The following PPARGC1B variants were observed in gnomAD, a reference collection of about 807,000 sequenced individuals.
The protein encoded by PPARGC1B is peroxisome proliferator-activated receptor gamma coactivator 1-beta.
PPARGC1B carries 34 observed loss-of-function variants against 101.6 expected under a neutral mutation model. The ratio of observed to expected loss-of-function variants is 0.33; its 90% CI spans 0.25 to 0.45. The LOEUF (loss-of-function observed/expected upper bound fraction) is 0.45. Ranked by LOEUF, PPARGC1B falls within the 20% of genes least tolerant of loss-of-function variation. The pLI, the probability that PPARGC1B is intolerant of heterozygous loss-of-function variation, is 1.00. For missense variants in PPARGC1B, 1,234 were observed against 1,317.6 expected (o/e 0.94, Z 0.98); for synonymous variants, 548 against 539.3 (o/e 1.02, Z -0.22).
chr5:149,748,286 G>GAGATATAGATATAGATAT (rs56098088), intron 1 of PPARGC1B, among the ~76,000 whole-genome samples: 195 of 148,428 alleles, frequency 1.3e-3, no homozygotes, highest in African/African-American at 4.7e-3. Flanking sequence ...ATGGGGTGAA[G>GAGATATAGATATAGATAT]AGATATAGAT....
intron 10 of PPARGC1B, 151 bp downstream of exon 10, chr5:149,842,528 C>T: frequency 1.9e-6 from 2 of 1,075,422 alleles, no homozygotes; most frequent in Non-Finnish European, 2.7e-6. Flanking sequence ...ATGAGAAGGA[C>T]CAGAAATGGT....
intron 1 of PPARGC1B, among the ~76,000 whole-genome samples, chr5:149,811,900 C>T (rs1757879886): frequency 6.6e-6 from 1 of 152,218 alleles, no homozygotes; most frequent in Non-Finnish European, 1.5e-5. Context: ...GGGCTTCTTA[C>T]TGGTTGGCTG....
At chr5:149,783,571 G>A (rs943593446) in intron 1 of PPARGC1B, among the ~76,000 whole-genome samples, 7 of 152,180 alleles carry the variant, frequency 4.6e-5, no homozygotes, top group African/African-American at 1.7e-4. Context: ...CAAGGAGAAG[G>A]AATGGAGAGA....
At chr5:149,750,852 C>T (rs1463029121) in intron 1 of PPARGC1B, among the ~76,000 whole-genome samples, 1 of 152,182 alleles carries the variant, frequency 6.6e-6, no homozygotes, top group Non-Finnish European at 1.5e-5. Flanking sequence ...GATGGGTGCC[C>T]GTGCAGGCAG....
At chr5:149,788,963 T>C (rs1753599409) in intron 1 of PPARGC1B, among the ~76,000 whole-genome samples, 1 of 152,092 alleles carries the variant, frequency 6.6e-6, no homozygotes, top group Admixed American at 6.5e-5. Flanking sequence ...CATTAGGAGA[T>C]ACACCTAATG....
chr5:149,764,498 A>G (rs1288523218), intron 1 of PPARGC1B, among the ~76,000 whole-genome samples: 1 of 152,210 alleles, frequency 6.6e-6, no homozygotes, highest in Non-Finnish European at 1.5e-5. Flanking sequence ...TGCCAGACCC[A>G]AGTAGAACAG....
intron 1 of PPARGC1B, among the ~76,000 whole-genome samples, chr5:149,798,916 T>C (rs575230092): frequency 6.6e-6 from 1 of 152,156 alleles, no homozygotes; most frequent in Admixed American, 6.5e-5. Context: ...GGGCCAAATA[T>C]TACCAAGCTC....
chr5:149,732,926 A>G, intron 1 of PPARGC1B: 1 of 384,762 alleles, frequency 2.6e-6, no homozygotes, highest in Non-Finnish European at 5.5e-6. Context: ...TGGCTGGGTG[A>G]CCCCGGAGCA....
In PPARGC1B at chr5:149,833,497, C is replaced by G; in HGVS notation, c.1424C>G (p.Pro475Arg). 6.4e-7 allele frequency: 1 copy of G among 1,564,840 alleles called. No individual in the cohort carries two copies. Among genetic ancestry groups the G allele is most frequent in the Middle Eastern group, 1.7e-4 (1 of 5,936 alleles). The change falls in exon 5 of 12, where the codon CCC becomes CGC. Residue 475 changes from proline (P) to arginine (R), a missense_variant. Transcript: ENST00000309241. This position sits in a 1 kb window ranked among gnomAD's most constrained non-coding sequence, Gnocchi z 4.1. ...LGRKLESSVC[P>R]VRRSRRLNPE... ...AGGAAGCTGGAGAGCTCTGTGTGCC[C>G]CGTGCGGCGTTCTCGGAGACTGAAC...
intron 1 of PPARGC1B, among the ~76,000 whole-genome samples, chr5:149,813,349 G>T (rs1757932593): frequency 1.3e-5 from 2 of 152,200 alleles, no homozygotes; most frequent in African/African-American, 4.8e-5. Flanking sequence ...GCAGTCACAG[G>T]AGGTCAGTGC....
chr5:149,824,450 A>C (rs1758425709), intron 2 of PPARGC1B, among the ~76,000 whole-genome samples: 1 of 152,106 alleles, frequency 6.6e-6, no homozygotes. Context: ...GCACTCTACA[A>C]AGCACTCTCA....
Position 149,853,961 on chromosome 5 carries a change from GCTT to G in PPARGC1B, c.*6408_*6410del, listed in dbSNP as rs1255335110. ...TTGTTAGCATTGGCTTGGAGCATCT[GCTT>G]CTTCCAGAGGCAGCTGCTAATGTTG... On this transcript the variant is annotated 3_prime_UTR_variant, in exon 12 of 12. Coordinates refer to ENST00000309241, the MANE Select transcript of PPARGC1B (RefSeq NM_133263.4). This position sits in a 1 kb window ranked among gnomAD's most constrained non-coding sequence, Gnocchi z 4.2. 1 of 152,116 alleles carries G rather than the reference GCTT, an allele frequency of 6.6e-6. No homozygotes were observed. The highest frequency in any genetic ancestry group is 1.9e-4 in the East Asian group (1 of 5,194). 9.4% of individuals were successfully genotyped at this position (152,116 alleles called of 1,614,324 possible).
intron 1 of PPARGC1B, among the ~76,000 whole-genome samples, chr5:149,731,604 AG>A (rs1754471349): frequency 2.6e-5 from 1 of 38,416 alleles, no homozygotes; most frequent in Non-Finnish European, 5.2e-5. Flanking sequence ...AGTGGAAGGG[AG>A]GGGGAAGGCG....
chr5:149,810,413 G>A (rs989713159), intron 1 of PPARGC1B, among the ~76,000 whole-genome samples: 2 of 152,220 alleles, frequency 1.3e-5, no homozygotes, highest in African/African-American at 4.8e-5. Flanking sequence ...GGGGTGGGGG[G>A]CCTAGCTGAC....
chr5:149,776,808 A>T (rs1031038181), intron 1 of PPARGC1B, among the ~76,000 whole-genome samples: 5 of 152,208 alleles, frequency 3.3e-5, no homozygotes, highest in Non-Finnish European at 7.3e-5. Flanking sequence ...AGGATTGTGT[A>T]TGTGGTTCTC....
chr5:149,809,477 C>CATAG (rs70973546), intron 1 of PPARGC1B, among the ~76,000 whole-genome samples: 2,068 of 54,748 alleles, frequency 0.038, 104 homozygotes, highest in East Asian at 0.074. Flanking sequence ...CCATCTCTAC[C>CATAG]ATAGATAGAT....
intron 1 of PPARGC1B, among the ~76,000 whole-genome samples, chr5:149,762,837 AGTG>A (rs1477482012): frequency 1.3e-5 from 2 of 151,870 alleles, no homozygotes; most frequent in Admixed American, 1.3e-4. Context: ...CCCAGTCTGG[AGTG>A]CAATGGTGTG....
At chr5:149,817,062 C>T (rs953268837) in intron 1 of PPARGC1B, among the ~76,000 whole-genome samples, 2 of 152,212 alleles carry the variant, frequency 1.3e-5, no homozygotes, top group Non-Finnish European at 2.9e-5. Flanking sequence ...TGCAGCCTCA[C>T]TGACCTCAAC....
At chr5:149,734,392 C>T (rs1370579138) in intron 1 of PPARGC1B, among the ~76,000 whole-genome samples, 1 of 136,982 alleles carries the variant, frequency 7.3e-6, no homozygotes, top group Non-Finnish European at 1.6e-5. Flanking sequence ...TTGCACTGTT[C>T]TGTAACTTGT....
Sources: allele counts gnomAD v4.1 joint callset (sites outside exome capture counted in the v4.1 genomes callset), GRCh38; gene constraint gnomAD v4.1.1; non-coding constraint Gnocchi (gnomAD v3.1); transcripts MANE v1.5; gene names NCBI Gene and HGNC (gene_info 2026-07-23, HGNC 2026-07-21).